The following NBEA variants were observed in gnomAD, a reference collection of about 807,000 sequenced individuals.
The protein encoded by NBEA is lysosomal-trafficking regulator 2.
In NBEA, 44 loss-of-function variants were observed where a neutral mutation model predicts 343.4. The observed-to-expected ratio is 0.13, with a 90% CI of 0.10 to 0.16. NBEA has a LOEUF of 0.16. Among genes scored for constraint, NBEA ranks in the 10% least tolerant of loss-of-function variants. The pLI is 1.00. For missense variants in NBEA, 2,555 were observed against 3,631.3 expected, an observed-to-expected ratio of 0.70 and a Z score of 7.62; for synonymous variants, 1,175 against 1,238.7, an observed-to-expected ratio of 0.95 and a Z score of 1.08.
intron 34 of NBEA, among the ~76,000 whole-genome samples, chr13:35,234,413 G>A (rs1200235891): frequency 6.6e-6 from 1 of 152,152 alleles, no homozygotes; most frequent in African/African-American, 2.4e-5. Flanking sequence ...GTGTATGATT[G>A]ACTACACAAA....
intron 47 of NBEA, among the ~76,000 whole-genome samples, chr13:35,600,891 T>C (rs1250904697): frequency 6.6e-6 from 1 of 152,110 alleles, no homozygotes; most frequent in Non-Finnish European, 1.5e-5. Flanking sequence ...AGAAACACAC[T>C]TTGAGCCGCG....
At chr13:35,315,219 C>T (rs919374933) in intron 36 of NBEA, among the ~76,000 whole-genome samples, 1 of 152,022 alleles carries the variant, frequency 6.6e-6, no homozygotes, top group African/African-American at 2.4e-5. Flanking sequence ...AATGTTTATC[C>T]TACTTAACAG....
intron 1 of NBEA, among the ~76,000 whole-genome samples, chr13:35,016,920 G>A (rs1378522940): frequency 6.6e-6 from 1 of 152,100 alleles, no homozygotes; most frequent in Non-Finnish European, 1.5e-5. Flanking sequence ...CTGAGTGATT[G>A]GATCCTTTAA....
chr13:35,031,120 A>G (rs553072242), intron 1 of NBEA, among the ~76,000 whole-genome samples: 166 of 151,784 alleles, frequency 1.1e-3, no homozygotes, highest in Non-Finnish European at 2.2e-3. Flanking sequence ...AAATTTATAC[A>G]GAGGCCCATA....
chr13:35,000,611 C>CACACACACGT (rs1055670319), intron 1 of NBEA, among the ~76,000 whole-genome samples: 1 of 150,672 alleles, frequency 6.6e-6, no homozygotes, highest in African/African-American at 2.4e-5. Flanking sequence ...CACACACACA[C>CACACACACGT]ACGTTTTAAA....
Position 35,606,588 on chromosome 13 carries a change from A to T in NBEA, c.7449+10A>T. 3 of 1,585,898 alleles carry T rather than the reference A, an allele frequency of 1.9e-6. No homozygotes were observed. Among genetic ancestry groups the T allele is most frequent in the Non-Finnish European group, 2.6e-6 (3 of 1,162,774 alleles). On this transcript the variant is annotated intron_variant, in intron 48 of 58. Transcript: ENST00000379939. ...GCGGATCAACAGGATGGTAAGAGAG[A>T]TTTTGCTTTTGCTTGGGCAGTCATC...
At chr13:35,050,534 T>C in intron 6 of NBEA, 139 bp downstream of exon 6, 1 of 954,718 alleles carries the variant, frequency 1.0e-6, no homozygotes, top group South Asian at 2.0e-5. Flanking sequence ...CTGCATTTCC[T>C]TTTTACTTTT....
At position 35,123,298 on chromosome 13, in the gene NBEA, G is replaced by A. The variant is rs781463521; in HGVS notation, c.2244-184G>A. ...TTGCCCTTTTGAGTGTATGGCTGAA[G>A]GACTGTTTAAAGAAAAATTATTAAA... On this transcript the variant is annotated intron_variant, in intron 16 of 58. Transcript: ENST00000379939. Among the ~76,000 whole-genome samples the A allele has an allele frequency of 2.6e-4, 40 of 152,042 alleles. 1 individual carries two copies. Among genetic ancestry groups the A allele is most frequent in the Non-Finnish European group, 3.7e-4 (25 of 68,018 alleles).
At chr13:35,539,687 C>A (rs9544584) in intron 41 of NBEA, among the ~76,000 whole-genome samples, 2 of 150,856 alleles carry the variant, frequency 1.3e-5, no homozygotes, top group African/African-American at 4.9e-5. Flanking sequence ...GAGGCTGAGG[C>A]GGGCGGATCA....
chr13:35,492,612 C>G (rs777447418), intron 41 of NBEA, among the ~76,000 whole-genome samples: 11 of 151,828 alleles, frequency 7.2e-5, no homozygotes, highest in Non-Finnish European at 1.3e-4. Context: ...ATTAATATTG[C>G]ATTTTATTTT....
rs556638968 is a variant in NBEA at position 35,360,589 on chromosome 13, A to G, written c.6179+8266A>G. Among the ~76,000 whole-genome samples, 40 of 152,208 alleles carry G rather than the reference A, an allele frequency of 2.6e-4. No individual in the cohort carries two copies. The East Asian group carries it at 7.7e-3, about 29-fold the overall frequency. Reference sequence around the variant, plus strand: ...TCAAAGACTTAAAAGCACCTTTATTATCATCTTCCATGAAGTAAAGGTAAA... The same window carrying G: ...TCAAAGACTTAAAAGCACCTTTATTGTCATCTTCCATGAAGTAAAGGTAAA... On this transcript the variant is annotated intron_variant, in intron 38 of 58. Transcript: ENST00000379939.
chr13:35,506,008 C>T (rs9565342), intron 41 of NBEA, among the ~76,000 whole-genome samples: 12,439 of 152,100 alleles, frequency 0.082, 839 homozygotes, highest in East Asian at 0.2. Context: ...ACACCAGATC[C>T]ATACTAATTC....
intron 55 of NBEA, among the ~76,000 whole-genome samples, chr13:35,657,115 A>G (rs1012722916): frequency 1.3e-5 from 2 of 152,218 alleles, no homozygotes; most frequent in Non-Finnish European, 2.9e-5. Context: ...AGGCCCCATC[A>G]TAGTACAGGA....
At chr13:35,261,676 C>T (rs186993336) in intron 34 of NBEA, among the ~76,000 whole-genome samples, 39 of 152,004 alleles carry the variant, frequency 2.6e-4, no homozygotes, top group Admixed American at 2.3e-3. Context: ...GCAGTGAACT[C>T]GGAGATGTAG....
intron 41 of NBEA, among the ~76,000 whole-genome samples, chr13:35,518,837 G>T (rs955132833): frequency 1.3e-5 from 2 of 152,114 alleles, no homozygotes; most frequent in Admixed American, 1.3e-4. Context: ...GGTGTGGGGG[G>T]AAGGTTGCAG....
chr13:35,160,028 C>A lies in NBEA; in HGVS notation c.3857C>A (p.Thr1286Lys). ...CGAAAAATCCAAACAACTACTACGA[C>A]ACAAGTAAGCTACCTTATATGAGTT... ...EIRKIQTTTT[T>K]QAVQGRSITQ... The change falls in exon 22 of 59, where the codon ACA becomes AAA. Residue 1286 changes from threonine to lysine, a missense_variant. Physicochemically the swap from Thr to Lys is moderately conservative, Grantham distance 78 (BLOSUM62 -1). Coordinates refer to ENST00000379939, the MANE Select transcript of NBEA (RefSeq NM_001385012.1). The A allele has an allele frequency of 6.4e-7, 1 of 1,567,420 alleles. No individual in the cohort carries two copies. Among genetic ancestry groups the A allele is most frequent in the Admixed American group, 1.9e-5 (1 of 52,098 alleles).
chr13:35,403,330 A>G (rs934884886), intron 38 of NBEA, among the ~76,000 whole-genome samples: 1 of 152,112 alleles, frequency 6.6e-6, no homozygotes, highest in East Asian at 1.9e-4. Flanking sequence ...GCAAAGCTGC[A>G]TGAGGTGAAT....
intron 1 of NBEA, among the ~76,000 whole-genome samples, chr13:34,961,454 C>A (rs1024980273): frequency 6.6e-6 from 1 of 152,004 alleles, no homozygotes; most frequent in Non-Finnish European, 1.5e-5. Context: ...TTGCTCCTAG[C>A]TATTTCTCTG....
intron 36 of NBEA, among the ~76,000 whole-genome samples, chr13:35,336,154 A>C (rs1392728228): frequency 6.6e-6 from 1 of 152,142 alleles, no homozygotes; most frequent in Non-Finnish European, 1.5e-5. Context: ...AAACCATACA[A>C]AATTAGTTAA....
Sources: gnomAD v4.1 joint callset for allele counts (sites outside exome capture counted in the v4.1 genomes callset) on GRCh38, gnomAD v4.1.1 for gene constraint, MANE v1.5 for transcripts, NCBI Gene and HGNC (gene_info 2026-07-23, HGNC 2026-07-21) for gene names.